EML6: variants seen among roughly 807,000 people sequenced by gnomAD.
The protein encoded by EML6 is echinoderm microtubule-associated protein-like 6.
In EML6, 154 loss-of-function variants were observed where a neutral mutation model predicts 240.1. The ratio of observed to expected loss-of-function variants is 0.64; its 90% CI spans 0.56 to 0.73. EML6 has a LOEUF of 0.73. EML6 is among the 30% of genes least tolerant of loss of function. The pLI, the probability that EML6 is intolerant of heterozygous loss-of-function variation, is 0.00. For missense variants in EML6, 2,964 were observed against 2,474.6 expected (o/e 1.20, Z -4.20); for synonymous variants, 1,148 against 899.0 (o/e 1.28, Z -4.95).
At chr2:54,832,793 C>T (rs1260298335) in intron 7 of EML6, among the ~76,000 whole-genome samples, 2 of 151,680 alleles carry the variant, frequency 1.3e-5, no homozygotes, top group Non-Finnish European at 3.0e-5. Flanking sequence ...TGGCCTTCTG[C>T]TCCACCTCTC....
At position 54,892,484 on chromosome 2, in the gene EML6, T is replaced by A. The variant is rs1215548907; in HGVS notation, c.2570T>A (p.Phe857Tyr). The change falls in exon 19 of 42, where the codon TTT (phenylalanine) becomes TAT (tyrosine). Residue 857 changes from phenylalanine (F) to tyrosine (Y), a missense_variant. Transcript: ENST00000356458. The part of the protein sequence containing the change: ...GGGFTSKRGT[F>Y]GSVGKLETMM... ...GGCTTCACTTCTAAAAGAGGAACTT[T>A]TGGAAGCGTTGGAAAATTGGAAACA... 4 of 1,551,406 alleles carry A rather than the reference T, an allele frequency of 2.6e-6. No individual in the cohort carries two copies. Among genetic ancestry groups the A allele is most frequent in the South Asian group, 1.2e-5 (1 of 84,052 alleles).
At chr2:54,943,286 T>A (rs1480254620) in intron 28 of EML6, among the ~76,000 whole-genome samples, 2 of 152,126 alleles carry the variant, frequency 1.3e-5, no homozygotes, top group African/African-American at 4.8e-5. Context: ...CTTCTCCTAT[T>A]CAAGACAGTT....
intron 10 of EML6, 53 bp downstream of exon 10, chr2:54,850,271 G>T: frequency 6.7e-7 from 1 of 1,502,078 alleles, no homozygotes; most frequent in Admixed American, 2.0e-5. Context: ...TTTGAACCAG[G>T]TGAAGGAAAT....
Position 54,928,674 on chromosome 2 carries a change from G to C in EML6, c.3927G>C (p.Lys1309Asn). ...AREKAIDYTT[K>N]IYAVSIREME... is the part of the protein sequence containing the mutation. Reference sequence around the variant, plus strand: ...AAAAGGCCATTGACTACACCACCAAGATTTATGCTGTGAGCATCAGGGAAA... The same window carrying C: ...AAAAGGCCATTGACTACACCACCAACATTTATGCTGTGAGCATCAGGGAAA... Residue 1309 changes from lysine (K) to asparagine (N), a missense_variant, in exon 28 of 42, where the codon AAG becomes AAC. Lys to Asn is a moderately conservative substitution (Grantham distance 94, BLOSUM62 0). Coordinates refer to ENST00000356458, the MANE Select transcript of EML6 (RefSeq NM_001039753.4). 2 of 1,552,012 alleles carry C rather than the reference G, an allele frequency of 1.3e-6. No individual in the cohort carries two copies. The highest frequency in any genetic ancestry group is 1.7e-6 in the Non-Finnish European group (2 of 1,147,054).
At chr2:54,869,456 G>T in intron 15 of EML6, 89 bp downstream of exon 15, 1 of 1,011,986 alleles carries the variant, frequency 9.9e-7, no homozygotes, top group Non-Finnish European at 1.4e-6. Context: ...AGAAATGCTT[G>T]GTAGAAATAA....
intron 16 of EML6, among the ~76,000 whole-genome samples, 168 bp from the exon 17 acceptor site, chr2:54,879,379 T>C (rs920192637): frequency 6.6e-6 from 1 of 152,226 alleles, no homozygotes; most frequent in Non-Finnish European, 1.5e-5. Context: ...TATAGTGTGA[T>C]GTTTCAGTAC....
chr2:54,817,493 G>A (rs1303379875), intron 4 of EML6, among the ~76,000 whole-genome samples: 1 of 152,144 alleles, frequency 6.6e-6, no homozygotes, highest in African/African-American at 2.4e-5. Flanking sequence ...GAATTTGCAT[G>A]ACTGTCTTAC....
At chr2:54,819,355 G>C (rs578067821) in intron 4 of EML6, among the ~76,000 whole-genome samples, 2 of 152,286 alleles carry the variant, frequency 1.3e-5, no homozygotes, top group South Asian at 4.1e-4. Context: ...GAGCATCTCA[G>C]ATGGGCCCTG....
chr2:54,870,273 A>G (rs1671182875), intron 15 of EML6, among the ~76,000 whole-genome samples: 1 of 152,196 alleles, frequency 6.6e-6, no homozygotes, highest in Non-Finnish European at 1.5e-5. Context: ...GAGGGGAGTC[A>G]ACCCCTTAAA....
chr2:54,829,988 T>C (rs1668787406), intron 7 of EML6, among the ~76,000 whole-genome samples: 1 of 152,176 alleles, frequency 6.6e-6, no homozygotes, highest in African/African-American at 2.4e-5. Context: ...TGTTTCCTCA[T>C]CTATAAAATG....
intron 17 of EML6, among the ~76,000 whole-genome samples, chr2:54,884,278 G>A (rs566232890): frequency 5.9e-5 from 9 of 152,246 alleles, no homozygotes; most frequent in Admixed American, 3.3e-4. Flanking sequence ...GTAGGAAGGG[G>A]CACAGAGCTT....
chr2:54,898,750 C>T (rs1363198520), intron 21 of EML6, among the ~76,000 whole-genome samples: 1 of 152,124 alleles, frequency 6.6e-6, no homozygotes, highest in East Asian at 1.9e-4. Flanking sequence ...CTAAGCAAAG[C>T]CTTTTTGTAA....
chr2:54,844,410 C>T (rs975893722), intron 8 of EML6, among the ~76,000 whole-genome samples, 162 bp downstream of exon 8: 46 of 152,164 alleles, frequency 3.0e-4, no homozygotes, highest in Admixed American at 2.7e-3. Flanking sequence ...CATTTTGCTC[C>T]TGCTGTTGTC....
chr2:54,862,252 T>C (rs999382156), intron 12 of EML6, among the ~76,000 whole-genome samples: 7 of 146,784 alleles, frequency 4.8e-5, no homozygotes, highest in Non-Finnish European at 8.9e-5. Flanking sequence ...GGCAGGAGAA[T>C]TGCTTGAACC....
chr2:54,757,322 C>T (rs906565868), intron 2 of EML6, among the ~76,000 whole-genome samples: 5 of 152,078 alleles, frequency 3.3e-5, no homozygotes, highest in African/African-American at 1.2e-4. Context: ...ATATGAGGGG[C>T]AGTGTTGATG....
chr2:54,811,063 TTCTCACCCCCAGTAGC>T (rs1016392467), intron 2 of EML6, among the ~76,000 whole-genome samples: 40 of 152,186 alleles, frequency 2.6e-4, no homozygotes, highest in African/African-American at 8.9e-4. Context: ...TCCCCCTCTG[TTCTCACCCCCAGTAGC>T]TCTTGACTCT....
At chr2:54,876,971 T>C (rs980852704) in intron 16 of EML6, among the ~76,000 whole-genome samples, 2 of 148,572 alleles carry the variant, frequency 1.3e-5, no homozygotes, top group Non-Finnish European at 3.0e-5. Context: ...TCTTGACTCA[T>C]CATCCAAAAA....
intron 16 of EML6, among the ~76,000 whole-genome samples, chr2:54,875,885 T>C (rs560260999): frequency 6.6e-6 from 1 of 152,068 alleles, no homozygotes; most frequent in African/African-American, 2.4e-5. Context: ...ACCATATAAT[T>C]TTTTTAAAAG....
intron 11 of EML6, among the ~76,000 whole-genome samples, chr2:54,854,340 G>A (rs1253227652): frequency 6.6e-6 from 1 of 152,164 alleles, no homozygotes; most frequent in Non-Finnish European, 1.5e-5. Context: ...CATAACTGGT[G>A]AAATTTTTGA....
Sources: gnomAD v4.1 joint callset for allele counts (sites outside exome capture counted in the v4.1 genomes callset) on GRCh38, gnomAD v4.1.1 for gene constraint, MANE v1.5 for transcripts, NCBI Gene and HGNC (gene_info 2026-07-23, HGNC 2026-07-21) for gene names.